The following C11orf65 variants were observed in gnomAD, a reference collection of about 807,000 sequenced individuals.
C11orf65 encodes chromosome 11 open reading frame 65.
C11orf65 carries 38 observed loss-of-function variants against 35.3 expected under a neutral mutation model. The observed-to-expected ratio is 1.08, with a 90% CI of 0.83 to 1.41. C11orf65 has a LOEUF of 1.41. Among genes scored for constraint, C11orf65 ranks in the 40% most tolerant of loss-of-function variants. The pLI is 0.00. For missense variants in C11orf65, 370 were observed against 367.1 expected (o/e 1.01, Z -0.06); for synonymous variants, 105 against 114.4 (o/e 0.92, Z 0.53).
chr11:108,432,858 G>C (rs1246524527), intron 2 of C11orf65, among the ~76,000 whole-genome samples: 4 of 152,034 alleles, frequency 2.6e-5, no homozygotes, highest in Non-Finnish European at 5.9e-5. Context: ...CTTCTAAATA[G>C]GTGGTTACTA....
At chr11:108,332,093 A>C in intron 3 of C11orf65, 3 of 1,595,236 alleles carry the variant, frequency 1.9e-6, no homozygotes, top group Non-Finnish European at 2.6e-6. Context: ...TCTTTCCTAG[A>C]ATATTTCTTT....
upstream of C11orf65, among the ~76,000 whole-genome samples, chr11:108,469,873 C>G (rs754510644): frequency 8.5e-5 from 13 of 152,152 alleles, no homozygotes; most frequent in Admixed American, 3.3e-4. Flanking sequence ...TGGGTGGTTT[C>G]ACAGAAATCG....
intron 2 of C11orf65, among the ~76,000 whole-genome samples, chr11:108,341,570 C>T (rs2087584662): frequency 6.6e-6 from 1 of 151,990 alleles, no homozygotes; most frequent in Admixed American, 6.6e-5. Context: ...CCTTAAGACA[C>T]AAAACAGTTC....
At chr11:108,361,545 C>G (rs1230269389) in intron 2 of C11orf65, among the ~76,000 whole-genome samples, 2 of 152,066 alleles carry the variant, frequency 1.3e-5, no homozygotes, top group African/African-American at 4.8e-5. Flanking sequence ...TGACTTCAAA[C>G]TATACTACAA....
In C11orf65 at chr11:108,319,335, G is replaced by A. The variant is rs4988088; in HGVS notation, c.641-10264C>T. Reference sequence around the variant, plus strand: ...ATATACTATTCTTCTCCTTCCTCTTGTATTTCAGCTACACAGACCTCTCTG... The same window carrying A: ...ATATACTATTCTTCTCCTTCCTCTTATATTTCAGCTACACAGACCTCTCTG... On this transcript the variant is annotated intron_variant, in intron 6 of 6. Transcript: ENST00000525729. Among the ~76,000 whole-genome samples the A allele has an allele frequency of 2.6e-3, 403 of 152,090 alleles. 3 individuals are homozygous for A. The highest frequency in any genetic ancestry group is 9.4e-3 in the African/African-American group (390 of 41,456).
intron 2 of C11orf65, chr11:108,346,590 C>T (rs944262050): frequency 6.6e-6 from 1 of 152,192 alleles, no homozygotes; most frequent in African/African-American, 2.4e-5. Flanking sequence ...AAAGAGTTCC[C>T]AGGTAATTGT....
Position 108,310,372 on chromosome 11 carries a change from G to A in C11orf65, c.641-1301C>T, listed in dbSNP as rs906718192. ...ATTAATGTTGGCATTGTCTCAATAAGGGTATATAGTAAAGATTTATTTTGC... is the reference window on the plus strand; with the variant it reads ...ATTAATGTTGGCATTGTCTCAATAAAGGTATATAGTAAAGATTTATTTTGC... On this transcript the variant is annotated intron_variant, in intron 6 of 6. Transcript: ENST00000525729. 53 of 1,507,126 alleles carry A rather than the reference G, an allele frequency of 3.5e-5. No homozygotes were observed. The African/African-American group carries it at 5.9e-4, about 17-fold the overall frequency. The allele number at this position is 1,507,126 out of a possible 1,614,324, so 93.4% of individuals were successfully genotyped here. A position where few individuals can be genotyped will look rare whatever the true frequency, so the allele number is the denominator to read the frequency against.
At chr11:108,451,831 A>C (rs552281635) in intron 2 of C11orf65, among the ~76,000 whole-genome samples, 4 of 152,220 alleles carry the variant, frequency 2.6e-5, no homozygotes, top group East Asian at 1.9e-4. Context: ...GAACAGAACA[A>C]AGTTCTCAGA....
chr11:108,336,780 T>C (rs2086903295), intron 2 of C11orf65, among the ~76,000 whole-genome samples: 1 of 152,230 alleles, frequency 6.6e-6, no homozygotes, highest in Non-Finnish European at 1.5e-5. Flanking sequence ...ACATTTCCTC[T>C]AGCTATTTGC....
intron 2 of C11orf65, among the ~76,000 whole-genome samples, chr11:108,370,282 T>C (rs971357281): frequency 6.6e-6 from 1 of 152,116 alleles, no homozygotes; most frequent in African/African-American, 2.4e-5. Flanking sequence ...GATTTTTCTA[T>C]CCAGTAACCA....
chr11:108,356,333 C>G (rs558536804), intron 2 of C11orf65, among the ~76,000 whole-genome samples: 1 of 152,062 alleles, frequency 6.6e-6, no homozygotes, highest in Non-Finnish European at 1.5e-5. Context: ...GTCAGGAGTT[C>G]AAGACCAGTT....
At chr11:108,431,342 T>C (rs768793910) in intron 3 of C11orf65, among the ~76,000 whole-genome samples, 1 of 152,204 alleles carries the variant, frequency 6.6e-6, no homozygotes, top group Admixed American at 6.5e-5. Flanking sequence ...TAAAAATGAA[T>C]GAATTTTAGC....
At chr11:108,405,604 T>C (rs781682552) in intron 5 of C11orf65, 45 bp from the exon 6 acceptor site, 2 of 1,593,050 alleles carry the variant, frequency 1.3e-6, no homozygotes, top group South Asian at 1.1e-5. Context: ...GAAATATCGA[T>C]TGTGAGGTTA....
chr11:108,336,454 T>G (rs964613813), intron 2 of C11orf65: 9 of 154,938 alleles, frequency 5.8e-5, no homozygotes, highest in African/African-American at 2.2e-4. Flanking sequence ...TATAGTCAAC[T>G]GAAGTATTTT....
chr11:108,423,035 A>C (rs2092842896), intron 3 of C11orf65, among the ~76,000 whole-genome samples: 1 of 152,218 alleles, frequency 6.6e-6, no homozygotes, highest in Admixed American at 6.5e-5. Flanking sequence ...TATAAAAAGC[A>C]CCAGCTGTGC....
intron 6 of C11orf65, among the ~76,000 whole-genome samples, chr11:108,400,437 T>A (rs1030754882): frequency 2.6e-5 from 4 of 152,184 alleles, no homozygotes; most frequent in Admixed American, 2.6e-4. Context: ...ACAGGCATAA[T>A]GTTCTATGGA....
intron 3 of C11orf65, among the ~76,000 whole-genome samples, chr11:108,416,150 T>C (rs2092727636): frequency 6.6e-6 from 1 of 152,062 alleles, no homozygotes; most frequent in Admixed American, 6.5e-5. Context: ...ATTAAGATAA[T>C]GAAAAGACAG....
rs532874300 is a variant in C11orf65, at chr11:108,436,200, C to G, written c.82-4362G>C. On this transcript the variant is annotated intron_variant, in intron 2 of 8. Transcript: ENST00000393084. ...AAGGAGGAAAAGGCAGGAAATTCTT[C>G]CCTAGAGCCTCCAGAGAGAACACAA... Among the ~76,000 whole-genome samples, 7 of 152,148 alleles carry G rather than the reference C, an allele frequency of 4.6e-5. No individual in the cohort carries two copies. The East Asian group carries it at 9.7e-4, about 21-fold the overall frequency.
intron 2 of C11orf65, among the ~76,000 whole-genome samples, chr11:108,358,891 C>T (rs1023925979): frequency 7.3e-5 from 11 of 151,480 alleles, no homozygotes; most frequent in South Asian, 4.2e-4. Flanking sequence ...CATCAACTAA[C>T]GAACAAAATC....
Sources: gnomAD v4.1 joint callset for allele counts (sites outside exome capture counted in the v4.1 genomes callset) on GRCh38, gnomAD v4.1.1 for gene constraint, MANE v1.5 for transcripts, NCBI Gene and HGNC (gene_info 2026-07-23, HGNC 2026-07-21) for gene names.